Variants in APBA2 observed in about 807,000 individuals in gnomAD.
APBA2 encodes the protein amyloid-beta A4 precursor protein-binding family A member 2.
A neutral mutation model predicts 75.0 loss-of-function variants in APBA2; 30 were observed. The ratio of observed to expected loss-of-function variants is 0.40; its 90% CI spans 0.30 to 0.54. The LOEUF (loss-of-function observed/expected upper bound fraction) is 0.54. Among genes scored for constraint, APBA2 ranks in the 20% least tolerant of loss-of-function variants. The probability of loss-of-function intolerance (pLI) is 0.49; values close to 1 mark genes in which losing one functional copy is unlikely to be tolerated. For missense variants in APBA2, 801 were observed against 1,016.1 expected (o/e 0.79, Z 2.88); for synonymous variants, 444 against 409.6 (o/e 1.08, Z -1.01).
chr15:29,021,647 A>G (rs1318087703), intron 3 of APBA2, among the ~76,000 whole-genome samples: 1 of 152,176 alleles, frequency 6.6e-6, no homozygotes, highest in South Asian at 2.1e-4. Flanking sequence ...ATGATTTGTG[A>G]TGAGAAACTC....
At position 29,046,092 on chromosome 15, in the gene APBA2, C is replaced by G. The variant is rs1378731750; in HGVS notation, c.-40-7753C>G. 6.6e-6 allele frequency among the ~76,000 whole-genome samples: 1 copy of G among 152,116 alleles called. No homozygotes were observed. The highest frequency in any genetic ancestry group is 1.5e-5 in the Non-Finnish European group (1 of 68,026). On this transcript the variant is annotated intron_variant, in intron 3 of 14. Coordinates refer to ENST00000683413, the MANE Select transcript of APBA2 (RefSeq NM_001353788.2). This position sits in a 1 kb window ranked among gnomAD's most constrained non-coding sequence, Gnocchi z 5.0. ...GCTATGTGGGACCTTCCTTCAGGCACTAAAGGGCTTCCTGAAAAAGTTGCT... is the reference window on the plus strand; with the variant it reads ...GCTATGTGGGACCTTCCTTCAGGCAGTAAAGGGCTTCCTGAAAAAGTTGCT...
At chr15:28,992,996 G>A (rs1321115667) in intron 2 of APBA2, among the ~76,000 whole-genome samples, 1 of 152,230 alleles carries the variant, frequency 6.6e-6, no homozygotes, top group Non-Finnish European at 1.5e-5. Flanking sequence ...GGGGACTGGG[G>A]AAGTGGCCTG....
intron 3 of APBA2, among the ~76,000 whole-genome samples, chr15:29,007,942 C>T (rs1165971609): frequency 2.0e-5 from 3 of 152,188 alleles, no homozygotes; most frequent in Non-Finnish European, 4.4e-5. Context: ...GTTCATGCAG[C>T]ATGATTCACA....
chr15:29,009,583 C>A (rs1200741182), intron 3 of APBA2, among the ~76,000 whole-genome samples: 1 of 152,172 alleles, frequency 6.6e-6, no homozygotes, highest in African/African-American at 2.4e-5. Flanking sequence ...CACCCCCGAC[C>A]ACTACCACCA....
intron 13 of APBA2, among the ~76,000 whole-genome samples, chr15:29,112,071 G>A (rs1214929523): frequency 1.3e-5 from 2 of 152,146 alleles, no homozygotes; most frequent in Admixed American, 1.3e-4. Flanking sequence ...TCCCCACCAT[G>A]CCCAGTGAAG....
intron 2 of APBA2, among the ~76,000 whole-genome samples, chr15:28,969,327 T>C (rs570885942): frequency 1.3e-5 from 2 of 152,046 alleles, no homozygotes; most frequent in South Asian, 4.2e-4. Context: ...ATTACATGCA[T>C]GCACCACCAA....
chr15:29,002,952 G>A (rs2038926744), intron 3 of APBA2, among the ~76,000 whole-genome samples: 1 of 152,130 alleles, frequency 6.6e-6, no homozygotes, highest in South Asian at 2.1e-4. Flanking sequence ...GGGGAAGACG[G>A]GCGTTCCAGG....
In APBA2 at chr15:29,038,933, A is replaced by G. The variant is rs546678791; in HGVS notation, c.-40-14912A>G. Among the ~76,000 whole-genome samples, 26 of 152,052 alleles carry G rather than the reference A, an allele frequency of 1.7e-4. No homozygotes were observed. In the East Asian group the frequency reaches 5.0e-3, roughly 30 times the overall value. On this transcript the variant is annotated intron_variant, in intron 3 of 14. Transcript: ENST00000683413. ...ATGATCTGCCCGCCTTGGCCTCCCA[A>G]AGTGCTGGGATTACAGGTGTGAGCC...
At chr15:29,083,262 T>C (rs2043156905) in intron 6 of APBA2, among the ~76,000 whole-genome samples, 2 of 152,156 alleles carry the variant, frequency 1.3e-5, no homozygotes, top group African/African-American at 4.8e-5. Context: ...CCCTTGCAAG[T>C]TTGAAATGCT....
At chr15:29,093,373 G>C (rs2043682088) in intron 7 of APBA2, among the ~76,000 whole-genome samples, 153 bp downstream of exon 7, 1 of 152,236 alleles carries the variant, frequency 6.6e-6, no homozygotes, top group South Asian at 2.1e-4. Flanking sequence ...ACGAGGCTGA[G>C]GGAGGCTTGC....
chr15:29,041,717 C>T (rs189959829), intron 3 of APBA2, among the ~76,000 whole-genome samples: 24 of 152,136 alleles, frequency 1.6e-4, no homozygotes, highest in Middle Eastern at 3.4e-3. Context: ...TCATTGCAAT[C>T]CCAATCAAAT....
At chr15:28,985,100 A>G (rs975102106) in intron 2 of APBA2, among the ~76,000 whole-genome samples, 16 of 152,072 alleles carry the variant, frequency 1.1e-4, no homozygotes, top group Admixed American at 3.9e-4. Flanking sequence ...TGGCTGTGGC[A>G]GGAAGGTTTG....
intron 6 of APBA2, among the ~76,000 whole-genome samples, chr15:29,076,435 C>T (rs957131396): frequency 2.0e-5 from 3 of 151,042 alleles, no homozygotes; most frequent in African/African-American, 4.9e-5. Flanking sequence ...GGATATAATG[C>T]ATTCAAATTC....
rs2041346703 is a variant in APBA2 at position 29,046,622 on chromosome 15, C to T, written c.-40-7223C>T. ...CTTTGGACCTCCAACATGAGAACCA[C>T]CTGCAGCTCTAGACCTGGCCTTTGG... is the stretch of plus-strand genomic sequence containing the variant. On this transcript the variant is annotated intron_variant, in intron 3 of 14. Coordinates refer to ENST00000683413, the MANE Select transcript of APBA2 (RefSeq NM_001353788.2). This position sits in a 1 kb window ranked among gnomAD's most constrained non-coding sequence, Gnocchi z 5.0. Among the ~76,000 whole-genome samples the T allele has an allele frequency of 1.3e-5, 2 of 152,244 alleles. No individual in the cohort carries two copies. Among genetic ancestry groups the T allele is most frequent in the South Asian group, 2.1e-4 (1 of 4,830 alleles).
Position 28,932,052 on chromosome 15 carries a change from C to T in APBA2, c.-95+10303C>T, listed in dbSNP as rs1241336524. On this transcript the variant is annotated intron_variant, in intron 2 of 14. Coordinates refer to ENST00000683413, the MANE Select transcript of APBA2 (RefSeq NM_001353788.2). ...CTGTGCTGCTGCATCCCAGGGGATA[C>T]GGCCACACAGGCCACAGTTGCCTAG... is the stretch of plus-strand genomic sequence containing the variant. Among the ~76,000 whole-genome samples the T allele has an allele frequency of 2.6e-5, 4 of 152,150 alleles. No homozygotes were observed. In the East Asian group the frequency reaches 5.8e-4, roughly 22 times the overall value.
Position 29,090,332 on chromosome 15 carries a change from A to T in APBA2, c.1070-2743A>T, listed in dbSNP as rs567905106. Among the ~76,000 whole-genome samples the T allele has an allele frequency of 3.9e-5, 6 of 152,286 alleles. No homozygotes were observed. In the East Asian group the frequency reaches 1.2e-3, roughly 29 times the overall value. Reference sequence around the variant, plus strand: ...TTCACACACAGCAGTCTGTGCCCAGATGGGCCCCAGAGCTACTGACGCTCA... The same window carrying T: ...TTCACACACAGCAGTCTGTGCCCAGTTGGGCCCCAGAGCTACTGACGCTCA... On this transcript the variant is annotated intron_variant, in intron 6 of 14. Transcript: ENST00000683413.
intron 5 of APBA2, among the ~76,000 whole-genome samples, chr15:29,075,578 C>T (rs557005879): frequency 2.0e-5 from 3 of 152,298 alleles, no homozygotes; most frequent in African/African-American, 7.2e-5. Flanking sequence ...TCTAAATCAA[C>T]AACAGGTTTT....
rs543638107 is a variant in APBA2, at chr15:28,925,999, C to A, written c.-95+4250C>A. Among the ~76,000 whole-genome samples the A allele has an allele frequency of 2.0e-5, 3 of 152,290 alleles. No homozygotes were observed. In the South Asian group the frequency reaches 6.2e-4, roughly 32 times the overall value. ...TCTGAAATTAATAATGGTACTCCAA[C>A]TTACTTTGATTAGAGTTAGCATGGT... On this transcript the variant is annotated intron_variant, in intron 2 of 14. Transcript: ENST00000683413.
chr15:28,887,045 G>A (rs758811482), intron 1 of APBA2, among the ~76,000 whole-genome samples: 5 of 152,274 alleles, frequency 3.3e-5, no homozygotes, highest in Non-Finnish European at 5.9e-5. Flanking sequence ...TTTCTCCGAC[G>A]CCTGCCGAGG....
Sources: gnomAD v4.1 joint callset for allele counts (sites outside exome capture counted in the v4.1 genomes callset) on GRCh38, gnomAD v4.1.1 for gene constraint, Gnocchi (gnomAD v3.1) non-coding constraint, MANE v1.5 for transcripts, NCBI Gene and HGNC (gene_info 2026-07-23, HGNC 2026-07-21) for gene names.